Variants in CCDC171 observed in about 807,000 individuals in gnomAD.
The protein encoded by CCDC171 is coiled-coil domain containing 171.
A neutral mutation model predicts 168.2 loss-of-function variants in CCDC171; 177 were observed. The observed-to-expected ratio is 1.05, with a 90% CI of 0.93 to 1.19. CCDC171 has a LOEUF of 1.19. Among genes scored for constraint, CCDC171 ranks in the 50% most tolerant of loss-of-function variants. The pLI is 0.00. For missense variants in CCDC171, 1,991 were observed against 1,539.0 expected (o/e 1.29, Z -4.91); for synonymous variants, 687 against 540.8 (o/e 1.27, Z -3.75).
intron 16 of CCDC171, among the ~76,000 whole-genome samples, chr9:15,737,769 A>T (rs554563190): frequency 1.7e-4 from 26 of 152,288 alleles, no homozygotes; most frequent in Admixed American, 1.5e-3. Flanking sequence ...AATAACCATT[A>T]TGGGGCTTGA....
In CCDC171 at chr9:15,907,749, A is replaced by C. The variant is rs1473416263; in HGVS notation, c.3601-12521A>C. On this transcript the variant is annotated intron_variant, in intron 24 of 25. Coordinates refer to ENST00000380701, the MANE Select transcript of CCDC171 (RefSeq NM_173550.4). ...CTACAGAATGGGAGAAAATTTTCGC[A>C]ATCTAGTCATCTGACAAAGGGCTAA... is the stretch of plus-strand genomic sequence containing the variant. Among the ~76,000 whole-genome samples, 4 of 152,384 alleles carry C rather than the reference A, an allele frequency of 2.6e-5. No homozygotes were observed. In the South Asian group the frequency reaches 6.2e-4, roughly 24 times the overall value.
At chr9:15,864,632 G>A (rs1340684051) in intron 23 of CCDC171, among the ~76,000 whole-genome samples, 1 of 152,020 alleles carries the variant, frequency 6.6e-6, no homozygotes, top group Non-Finnish European at 1.5e-5. Flanking sequence ...CTATTGTGTG[G>A]GGTAAAGGGA....
At chr9:15,726,468 A>G (rs948587689) in intron 14 of CCDC171, among the ~76,000 whole-genome samples, 13 of 152,200 alleles carry the variant, frequency 8.5e-5, no homozygotes, top group African/African-American at 2.9e-4. Flanking sequence ...TTGTTAAGTT[A>G]TATTTAATAA....
intron 24 of CCDC171, among the ~76,000 whole-genome samples, chr9:15,906,052 A>C (rs1264508966): frequency 6.6e-6 from 1 of 152,054 alleles, no homozygotes; most frequent in South Asian, 2.1e-4. Flanking sequence ...ACCAAAAAAA[A>C]TCCAGGACCA....
chr9:15,746,531 T>G (rs1306803102), intron 18 of CCDC171, among the ~76,000 whole-genome samples: 1 of 152,234 alleles, frequency 6.6e-6, no homozygotes, highest in African/African-American at 2.4e-5. Flanking sequence ...AAATGTATTT[T>G]AAGAATTTTG....
intron 3 of CCDC171, among the ~76,000 whole-genome samples, chr9:15,982,070 T>C (rs1831814410): frequency 6.6e-6 from 1 of 152,200 alleles, no homozygotes; most frequent in Non-Finnish European, 1.5e-5. Flanking sequence ...CAAACTTCTT[T>C]TGAGAAGATT....
intron 21 of CCDC171, among the ~76,000 whole-genome samples, chr9:15,804,994 T>C (rs2105319): frequency 0.43 from 64,598 of 151,824 alleles, 14,502 homozygotes; most frequent in East Asian, 0.65. Context: ...AGGGTATATG[T>C]GTCAAGGAAT....
intron 20 of CCDC171, among the ~76,000 whole-genome samples, chr9:15,784,184 G>T (rs1473830671): frequency 6.6e-6 from 1 of 152,098 alleles, no homozygotes; most frequent in East Asian, 1.9e-4. Context: ...TTTGTTAAAG[G>T]TTTTAATTCC....
intron 25 of CCDC171, among the ~76,000 whole-genome samples, chr9:15,952,361 C>G (rs540955692): frequency 8.5e-5 from 13 of 152,158 alleles, no homozygotes; most frequent in African/African-American, 3.1e-4. Flanking sequence ...TTGGGTATTT[C>G]CAGTCCCTTG....
At chr9:15,651,066 A>G (rs953735) in intron 7 of CCDC171, among the ~76,000 whole-genome samples, 5 of 148,420 alleles carry the variant, frequency 3.4e-5, no homozygotes, top group Admixed American at 6.7e-5. Flanking sequence ...TCTACTCTCT[A>G]CCTCCTTGAG....
chr9:15,953,551 T>G (rs540363734), intron 25 of CCDC171, among the ~76,000 whole-genome samples: 8 of 152,300 alleles, frequency 5.3e-5, no homozygotes, highest in African/African-American at 9.6e-5. Context: ...TGTTTGGTCA[T>G]TTTATTGTGC....
intron 3 of CCDC171, among the ~76,000 whole-genome samples, chr9:16,007,002 G>A (rs1400133301): frequency 5.9e-5 from 9 of 152,118 alleles, no homozygotes; most frequent in East Asian, 1.9e-4. Flanking sequence ...CTGAGGAATC[G>A]CCACACTGAC....
intron 24 of CCDC171, among the ~76,000 whole-genome samples, chr9:15,877,747 T>C (rs757667520): frequency 9.9e-5 from 15 of 152,152 alleles, no homozygotes; most frequent in Non-Finnish European, 1.8e-4. Context: ...CAGAGAACTT[T>C]GCAATAAAAA....
intron 25 of CCDC171, among the ~76,000 whole-genome samples, chr9:15,953,572 A>C (rs1171153588): frequency 3.3e-5 from 5 of 152,062 alleles, no homozygotes; most frequent in Non-Finnish European, 1.5e-5. Context: ...TGTTGAATTC[A>C]GTTGCTTGTA....
At chr9:15,786,108 A>G (rs1190705516) in intron 21 of CCDC171, among the ~76,000 whole-genome samples, 1 of 152,166 alleles carries the variant, frequency 6.6e-6, no homozygotes, top group Non-Finnish European at 1.5e-5. Flanking sequence ...TTCCAAATAC[A>G]TGTATTAAAT....
At chr9:15,857,981 G>A (rs2061411022) in intron 23 of CCDC171, among the ~76,000 whole-genome samples, 1 of 151,666 alleles carries the variant, frequency 6.6e-6, no homozygotes, top group African/African-American at 2.4e-5. Context: ...ATGTAGATGT[G>A]TATATATATG....
chr9:15,571,735 A>T lies in CCDC171; in HGVS notation c.153A>T (p.Glu51Asp), dbSNP rs1397070890. ...KLHWAKKEKL[E>D]ITTKHNAELA... ...ATTGGGCTAAAAAAGAAAAGTTAGA[A>T]ATAACAACCAAACACAATGCAGAGG... Residue 51 changes from glutamate to aspartate, a missense_variant, in exon 3 of 26, where the codon GAA (glutamate) becomes GAT (aspartate). Glu to Asp is a conservative substitution (Grantham distance 45). Transcript: ENST00000380701. 1 of 1,589,830 alleles carries T rather than the reference A, an allele frequency of 6.3e-7. No homozygotes were observed. The highest frequency in any genetic ancestry group is 2.3e-5 in the East Asian group (1 of 43,814).
chr9:15,793,157 A>T lies in CCDC171; in HGVS notation c.3267+8463A>T, dbSNP rs558026155. Among the ~76,000 whole-genome samples, 61 of 152,186 alleles carry T rather than the reference A, an allele frequency of 4.0e-4. No individual in the cohort carries two copies. The East Asian group carries it at 9.5e-3, about 24-fold the overall frequency. On this transcript the variant is annotated intron_variant, in intron 21 of 25. Transcript: ENST00000380701. ...TACCAAGCAAATGGAAAACAAAAAA[A>T]GGCAGGGGTTGCAATCCTAGTCTCT...
chr9:15,604,682 C>T (rs1564030364), intron 6 of CCDC171, among the ~76,000 whole-genome samples: 2 of 152,048 alleles, frequency 1.3e-5, no homozygotes, highest in African/African-American at 4.8e-5. Context: ...ATCAGACCAC[C>T]CTTAGTAGGC....
Sources: allele counts gnomAD v4.1 joint callset (sites outside exome capture counted in the v4.1 genomes callset), GRCh38; gene constraint gnomAD v4.1.1; transcripts MANE v1.5; gene names NCBI Gene and HGNC (gene_info 2026-07-23, HGNC 2026-07-21).